CSMD1: variants seen among roughly 807,000 people sequenced by gnomAD.
The protein encoded by CSMD1 is CUB and sushi domain-containing protein 1.
Under a neutral mutation model 417.5 loss-of-function variants are expected in CSMD1, and 213 were observed. The observed-to-expected ratio is 0.51, with a 90% confidence interval of 0.46 to 0.57. CSMD1 has a LOEUF of 0.57. Ranked by LOEUF, CSMD1 falls within the 20% of genes least tolerant of loss-of-function variation. The pLI, the probability that CSMD1 is intolerant of heterozygous loss-of-function variation, is 0.00. For synonymous variants in CSMD1, 2,862 were observed against 1,736.8 expected (o/e 1.65, Z -16.11); for missense variants, 6,923 against 4,529.7 (o/e 1.53, Z -15.17).
chr8:3,910,254 G>C (rs1044236559), intron 5 of CSMD1, among the ~76,000 whole-genome samples: 1 of 152,146 alleles, frequency 6.6e-6, no homozygotes, highest in Non-Finnish European at 1.5e-5. Flanking sequence ...AAATATGTCA[G>C]AGGCGTTTCC....
rs570900214 is a variant in CSMD1, at chr8:4,855,213, A to G, written c.85+139119T>C. On this transcript the variant is annotated intron_variant, in intron 1 of 69. Coordinates refer to ENST00000635120, the MANE Select transcript of CSMD1 (RefSeq NM_033225.6). ...CCTGCAGCTGACGGTCCTCTTTGTTAGAAGAAAAACTAACAAACAGAAAGG... is the reference window on the plus strand; with the variant it reads ...CCTGCAGCTGACGGTCCTCTTTGTTGGAAGAAAAACTAACAAACAGAAAGG... Among the ~76,000 whole-genome samples the G allele has an allele frequency of 8.9e-4, 134 of 150,184 alleles. 1 individual carries two copies. The highest frequency in any genetic ancestry group is 3.2e-3 in the African/African-American group (131 of 41,372).
At chr8:3,641,996 G>A (rs945976553) in intron 7 of CSMD1, among the ~76,000 whole-genome samples, 13 of 152,076 alleles carry the variant, frequency 8.5e-5, no homozygotes, top group African/African-American at 2.7e-4. Flanking sequence ...GAGATTAGCA[G>A]CCCCAGAAGC....
At chr8:4,954,252 A>T (rs7017451) in intron 1 of CSMD1, among the ~76,000 whole-genome samples, 33,776 of 152,176 alleles carry the variant, frequency 0.22, 4,794 homozygotes, top group African/African-American at 0.4. Context: ...TTAAACAATT[A>T]CCAATTACGA....
At chr8:4,960,223 G>A (rs980808677) in intron 1 of CSMD1, among the ~76,000 whole-genome samples, 2 of 152,138 alleles carry the variant, frequency 1.3e-5, no homozygotes, top group Non-Finnish European at 2.9e-5. Context: ...ACACTCAGAA[G>A]ATGAAATACA....
At chr8:4,463,682 A>T (rs1269909917) in intron 2 of CSMD1, among the ~76,000 whole-genome samples, 1 of 152,210 alleles carries the variant, frequency 6.6e-6, no homozygotes, top group African/African-American at 2.4e-5. Flanking sequence ...ACTTACATTA[A>T]ATGTCCAGAA....
At chr8:3,686,918 G>C (rs1359995605) in intron 7 of CSMD1, among the ~76,000 whole-genome samples, 1 of 152,160 alleles carries the variant, frequency 6.6e-6, no homozygotes, top group South Asian at 2.1e-4. Context: ...GGACAGAGTA[G>C]AGCTTTGTCT....
At chr8:3,174,113 T>C (rs539781373) in intron 37 of CSMD1, among the ~76,000 whole-genome samples, 3 of 152,210 alleles carry the variant, frequency 2.0e-5, no homozygotes, top group Admixed American at 6.5e-5. Flanking sequence ...TTCACAGTAA[T>C]ATTCTATTGA....
At chr8:3,388,023 A>G (rs201248374) in intron 17 of CSMD1, among the ~76,000 whole-genome samples, 1 of 152,214 alleles carries the variant, frequency 6.6e-6, no homozygotes, top group Non-Finnish European at 1.5e-5. Flanking sequence ...TCTATTTTTC[A>G]CCACCACTCT....
intron 1 of CSMD1, among the ~76,000 whole-genome samples, chr8:4,934,598 T>C (rs886960522): frequency 4.6e-5 from 7 of 152,056 alleles, no homozygotes; most frequent in Non-Finnish European, 5.9e-5. Context: ...CCCAATATAA[T>C]GTCTACCTTT....
At chr8:4,271,667 C>G (rs143172637) in intron 3 of CSMD1, among the ~76,000 whole-genome samples, 1 of 152,200 alleles carries the variant, frequency 6.6e-6, no homozygotes, top group African/African-American at 2.4e-5. Context: ...AAAATACATC[C>G]ACTTTAAGGT....
chr8:4,491,398 A>T (rs746101379), intron 2 of CSMD1, among the ~76,000 whole-genome samples: 56 of 152,124 alleles, frequency 3.7e-4, no homozygotes, highest in Middle Eastern at 3.2e-3. Flanking sequence ...CTGGGTTTGC[A>T]ATACAGTTAA....
At chr8:3,184,508 G>T (rs1412158683) in intron 36 of CSMD1, among the ~76,000 whole-genome samples, 1 of 152,116 alleles carries the variant, frequency 6.6e-6, no homozygotes, top group East Asian at 1.9e-4. Context: ...TTCATCTCCT[G>T]CCTGGGCTAA....
At chr8:3,020,569 T>G (rs527916643) in intron 51 of CSMD1, among the ~76,000 whole-genome samples, 85 of 152,264 alleles carry the variant, frequency 5.6e-4, no homozygotes, top group African/African-American at 1.9e-3. Context: ...GATGGGGGTC[T>G]CATTGTGTTG....
chr8:3,775,520 C>G (rs774816903), intron 5 of CSMD1, among the ~76,000 whole-genome samples: 2 of 152,042 alleles, frequency 1.3e-5, no homozygotes, highest in Non-Finnish European at 2.9e-5. Context: ...CAATAGGATC[C>G]TAATATTAAA....
At chr8:4,726,201 G>T (rs1358940655) in intron 1 of CSMD1, among the ~76,000 whole-genome samples, 1 of 151,982 alleles carries the variant, frequency 6.6e-6, no homozygotes, top group African/African-American at 2.4e-5. Flanking sequence ...GAAGTTTTCA[G>T]CTGTGGCTTC....
chr8:3,370,843 G>A (rs936131934), intron 18 of CSMD1, among the ~76,000 whole-genome samples: 1 of 152,066 alleles, frequency 6.6e-6, no homozygotes, highest in South Asian at 2.1e-4. Context: ...AGGCATAGTG[G>A]CAGAAGCCTA....
chr8:4,582,886 C>T (rs964015657), intron 2 of CSMD1, among the ~76,000 whole-genome samples: 4 of 152,178 alleles, frequency 2.6e-5, no homozygotes, highest in South Asian at 4.1e-4. Flanking sequence ...GCTGGAGTTC[C>T]GGGTGGGCGT....
intron 3 of CSMD1, among the ~76,000 whole-genome samples, chr8:4,111,939 G>T (rs1008515075): frequency 6.6e-6 from 1 of 151,844 alleles, no homozygotes; most frequent in East Asian, 1.9e-4. Flanking sequence ...ATAAAGTATG[G>T]CAAAAGCACA....
intron 49 of CSMD1, among the ~76,000 whole-genome samples, chr8:3,054,407 C>A (rs1812076042): frequency 6.6e-6 from 1 of 152,088 alleles, no homozygotes; most frequent in Non-Finnish European, 1.5e-5. Flanking sequence ...TGCTTGAGTC[C>A]AGGAGTTCTA....
Sources: allele counts gnomAD v4.1 joint callset (sites outside exome capture counted in the v4.1 genomes callset), GRCh38; gene constraint gnomAD v4.1.1; transcripts MANE v1.5; gene names NCBI Gene and HGNC (gene_info 2026-07-23, HGNC 2026-07-21).